HSF1: variants seen among roughly 807,000 people sequenced by gnomAD.
HSF1 encodes the protein heat shock factor protein 1.
A neutral mutation model predicts 51.7 loss-of-function variants in HSF1; 32 were observed. That is an observed-to-expected ratio of 0.62 (90% CI 0.47 to 0.83). The LOEUF is 0.83. Among genes scored for constraint, HSF1 ranks in the 40% least tolerant of loss-of-function variants. HSF1 has a pLI of 0.00. For missense variants in HSF1, 727 were observed against 717.0 expected, an observed-to-expected ratio of 1.01 and a Z score of -0.16; for synonymous variants, 396 against 309.7, an observed-to-expected ratio of 1.28 and a Z score of -2.92.
At chr8:144,298,696 G>C (rs62532312) in intron 1 of HSF1, among the ~76,000 whole-genome samples, 2 of 151,996 alleles carry the variant, frequency 1.3e-5, no homozygotes, top group Non-Finnish European at 2.9e-5. Flanking sequence ...GCAGACTCAC[G>C]TGCAGAGAAC....
chr8:144,295,183 G>A (rs996570983), intron 1 of HSF1, among the ~76,000 whole-genome samples: 1 of 152,298 alleles, frequency 6.6e-6, no homozygotes, highest in East Asian at 1.9e-4. Flanking sequence ...GGGCCTTGCT[G>A]GGCTGCAGCT....
intron 1 of HSF1, among the ~76,000 whole-genome samples, chr8:144,307,477 C>T (rs539382859): frequency 9.9e-5 from 15 of 152,224 alleles, no homozygotes; most frequent in East Asian, 3.8e-4. Flanking sequence ...CAGAGGCTCA[C>T]GCCTGTAATC....
intron 1 of HSF1, 58 bp from the exon 2 acceptor site, chr8:144,308,848 G>T: frequency 3.6e-6 from 5 of 1,394,204 alleles, no homozygotes; most frequent in Non-Finnish European, 5.1e-6. Flanking sequence ...GGAAGGGGCG[G>T]CTTGGGCACG....
At chr8:144,308,266 G>GCGGCCA (rs1371052021) in intron 1 of HSF1, among the ~76,000 whole-genome samples, 1 of 152,200 alleles carries the variant, frequency 6.6e-6, no homozygotes, top group Non-Finnish European at 1.5e-5. Context: ...CTGAGCCACC[G>GCGGCCA]CGGCCACGGC....
chr8:144,308,878 G>A (rs548585086), intron 1 of HSF1, 28 bp from the exon 2 acceptor site: 12 of 1,593,592 alleles, frequency 7.5e-6, no homozygotes, highest in Admixed American at 5.0e-5. Context: ...ACCACCACGC[G>A]TGACCCACCC....
At chr8:144,292,027 C>A (rs1471562873) in intron 1 of HSF1, among the ~76,000 whole-genome samples, 153 bp downstream of exon 1, 2 of 152,216 alleles carry the variant, frequency 1.3e-5, no homozygotes, top group African/African-American at 4.8e-5. Context: ...GGCGGCGGGT[C>A]CCGAGCCTGC....
At position 144,312,233 on chromosome 8, in the gene HSF1, C is replaced by T; in HGVS notation, c.1131C>T (p.Ala377=). Residue 377 remains alanine (A), a synonymous_variant, in exon 9 of 13, where the codon GCC becomes GCT. Coordinates refer to ENST00000528838, the MANE Select transcript of HSF1 (RefSeq NM_005526.4). ...TSTPEKCLSV[A]CLDKNELSDH... ...CCCCTGAAAAGTGCCTCAGCGTAGC[C>T]TGCCTGGACAAGTGAGTGCCGCCCA... 2 of 1,579,790 alleles carry T rather than the reference C, an allele frequency of 1.3e-6. No individual in the cohort carries two copies. The highest frequency in any genetic ancestry group is 1.7e-6 in the Non-Finnish European group (2 of 1,163,058).
In HSF1 at chr8:144,314,700, AT is replaced by A. The variant is rs1311063663; in HGVS notation, c.*371del. 1.1e-5 allele frequency: 3 copies of A among 265,500 alleles called. No homozygotes were observed. Among genetic ancestry groups the A allele is most frequent in the Non-Finnish European group, 2.2e-5 (3 of 136,760 alleles). 16.4% of individuals were successfully genotyped at this position (265,500 alleles called of 1,614,324 possible). On this transcript the variant is annotated 3_prime_UTR_variant, in exon 13 of 13. Transcript: ENST00000528838. ...GGACGGACAAGACAGGCAGAGATCT[AT>A]AAACAGACAGGCTCTATGCTATGGC...
chr8:144,312,725 C>G, intron 9 of HSF1: 1 of 1,533,832 alleles, frequency 6.5e-7, no homozygotes, highest in Non-Finnish European at 8.7e-7. Flanking sequence ...AGCGCTGACC[C>G]CACTGGGGAG....
rs1816658542 is a variant in HSF1 at position 144,311,519 on chromosome 8, A to G, written c.641A>G (p.Asn214Ser). The change falls in exon 7 of 13, where the codon AAC (asparagine) becomes AGC (serine). Residue 214 changes from asparagine (N) to serine (S), a missense_variant. This residue lies in a region of HSF1 where 257 missense variants were observed against 318.3 expected (regional missense o/e 0.81). Transcript: ENST00000528838. Reference protein sequence around the residue: ...GVKRKIPLMLNDSGSAHSMPK... With the variant: ...GVKRKIPLMLSDSGSAHSMPK... ...CTTCCCCACAGCCCCCTGATGCTGAACGACAGTGGCTCAGCACATTCCATG... is the reference window on the plus strand; with the variant it reads ...CTTCCCCACAGCCCCCTGATGCTGAGCGACAGTGGCTCAGCACATTCCATG... The G allele has an allele frequency of 1.9e-6, 3 of 1,613,494 alleles. No individual in the cohort carries two copies. The highest frequency in any genetic ancestry group is 1.7e-6 in the Non-Finnish European group (2 of 1,179,954).
chr8:144,296,852 T>C lies in HSF1; in HGVS notation c.117+4978T>C, dbSNP rs543498779. On this transcript the variant is annotated intron_variant, in intron 1 of 12. Coordinates refer to ENST00000528838, the MANE Select transcript of HSF1 (RefSeq NM_005526.4). ...CACACATCTGTCCTCATACAGCTTC[T>C]GTGCATAGCACAGAAAAAATTAAAA... is the stretch of plus-strand genomic sequence containing the variant. Among the ~76,000 whole-genome samples the C allele has an allele frequency of 2.0e-5, 3 of 150,990 alleles. No individual in the cohort carries two copies. The South Asian group carries it at 6.3e-4, about 32-fold the overall frequency.
chr8:144,312,663 G>A (rs1554845212), intron 9 of HSF1: 7 of 1,535,486 alleles, frequency 4.6e-6, no homozygotes, highest in Middle Eastern at 1.7e-4. Context: ...AGGGTCGCCC[G>A]CCTCTTCCCC....
At chr8:144,307,730 A>C (rs113664673) in intron 1 of HSF1, among the ~76,000 whole-genome samples, 42 of 152,236 alleles carry the variant, frequency 2.8e-4, no homozygotes, top group Non-Finnish European at 5.3e-4. Context: ...TGGGATGCAG[A>C]GGCTGCAGTG....
At chr8:144,312,724 C>T in intron 9 of HSF1, 3 of 1,533,932 alleles carry the variant, frequency 2.0e-6, no homozygotes, top group Non-Finnish European at 2.6e-6. Context: ...TAGCGCTGAC[C>T]CCACTGGGGA....
At position 144,313,926 on chromosome 8, in the gene HSF1, G is replaced by A. The variant is rs1214936430; in HGVS notation, c.1314+15G>A. The stretch of plus-strand genomic sequence containing the variant: ...GCCTGGCCAGTGTGCGTAGGCGGGC[G>A]GGGGGTGAGGGGGAACGAGACCAGC... On this transcript the variant is annotated intron_variant, in intron 11 of 12. Coordinates refer to ENST00000528838, the MANE Select transcript of HSF1 (RefSeq NM_005526.4). 6.8e-6 allele frequency: 11 copies of A among 1,609,384 alleles called. No homozygotes were observed. Among genetic ancestry groups the A allele is most frequent in the African/African-American group, 1.4e-5 (1 of 73,954 alleles).
In HSF1 at chr8:144,314,061, C is replaced by G; in HGVS notation, c.1384+7C>G. On this transcript the variant is annotated splice_region_variant and intron_variant, in intron 12 of 12. Transcript: ENST00000528838. ...AACAGCAGCCCGGATTCAGGTGAGC[C>G]AAGTCCCACCGGCCCCACCTCTGCC... 3 of 1,609,070 alleles carry G rather than the reference C, an allele frequency of 1.9e-6. No homozygotes were observed. Among genetic ancestry groups the G allele is most frequent in the South Asian group, 1.1e-5 (1 of 90,838 alleles).
chr8:144,296,818 AAAAG>A (rs1448128958), intron 1 of HSF1, among the ~76,000 whole-genome samples: 7 of 151,850 alleles, frequency 4.6e-5, no homozygotes, highest in African/African-American at 7.3e-5. Context: ...AAAAAAAAAA[AAAAG>A]AAGGCACACA....
At position 144,311,300 on chromosome 8, in the gene HSF1, CTG is replaced by C. The variant is rs782275225; in HGVS notation, c.565-17_565-16del. 8.1e-6 allele frequency: 13 copies of C among 1,613,584 alleles called. No homozygotes were observed. Among genetic ancestry groups the C allele is most frequent in the Middle Eastern group, 1.6e-4 (1 of 6,078 alleles). The stretch of plus-strand genomic sequence containing the variant: ...GGGGGCCCCACAAGGGCCGGGGTAA[CTG>C]TGTCCTCTCTCTCCACAGCTCATTC... On this transcript the variant is annotated intron_variant, in intron 5 of 12. Transcript: ENST00000528838.
At position 144,314,268 on chromosome 8, in the gene HSF1, C is replaced by T. The variant is rs1554846191; in HGVS notation, c.1528C>T (p.Pro510Ser). ...FSEGDGFAED[P>S]TISLLTGSEP... Reference sequence around the variant, plus strand: ...CGAAGGGGACGGCTTCGCCGAGGACCCCACCATCTCCCTGCTGACAGGCTC... The same window carrying T: ...CGAAGGGGACGGCTTCGCCGAGGACTCCACCATCTCCCTGCTGACAGGCTC... Residue 510 changes from proline to serine, a missense_variant, in exon 13 of 13, where the codon CCC becomes TCC. Transcript: ENST00000528838. 3.2e-6 allele frequency: 5 copies of T among 1,550,956 alleles called. No homozygotes were observed. Among genetic ancestry groups the T allele is most frequent in the Admixed American group, 2.0e-5 (1 of 51,138 alleles).
Sources: allele counts gnomAD v4.1 joint callset (sites outside exome capture counted in the v4.1 genomes callset), GRCh38; gene constraint gnomAD v4.1.1; regional missense constraint gnomAD v4.1.1; transcripts MANE v1.5; gene names NCBI Gene and HGNC (gene_info 2026-07-23, HGNC 2026-07-21).